Variants in CHLSN observed in about 807,000 individuals in gnomAD.
CHLSN encodes the protein cholesin.
chr7:1,092,085 G>A, the CHLSN span: 7 of 1,613,946 alleles, frequency 4.3e-6, no homozygotes, highest in Admixed American at 1.0e-4. Flanking sequence ...TGTTCAACCT[G>A]CACGAGCGGT....
At chr7:1,053,750 C>G in the CHLSN span, among the ~76,000 whole-genome samples, 3 of 152,174 alleles carry the variant, frequency 2.0e-5, no homozygotes, top group African/African-American at 7.2e-5. Context: ...TCGCTTGAAC[C>G]CGGGAGGCGG....
At chr7:1,113,346 G>A in the CHLSN span, among the ~76,000 whole-genome samples, 1 of 152,168 alleles carries the variant, frequency 6.6e-6, no homozygotes, top group African/African-American at 2.4e-5. Context: ...AGCAACCAAT[G>A]CCCTGAAAGC....
the CHLSN span, among the ~76,000 whole-genome samples, chr7:1,097,528 G>A: frequency 3.3e-5 from 5 of 152,132 alleles, no homozygotes; most frequent in African/African-American, 9.7e-5. The surrounding 1 kb of genome is among the most constrained non-coding windows in gnomAD (Gnocchi z 4.3). Flanking sequence ...GAAGAGTCTC[G>A]TTTCTAATAA....
At chr7:1,005,889 G>T in the CHLSN span, among the ~76,000 whole-genome samples, 1 of 152,230 alleles carries the variant, frequency 6.6e-6, no homozygotes. Context: ...GACCCAGGCA[G>T]GGGGCCGGCC....
chr7:1,106,211 C>T, the CHLSN span, among the ~76,000 whole-genome samples: 1 of 152,270 alleles, frequency 6.6e-6, no homozygotes, highest in African/African-American at 2.4e-5. Flanking sequence ...GCTCTGCCAG[C>T]CACGCGGACT....
the CHLSN span, among the ~76,000 whole-genome samples, chr7:1,007,838 C>T: frequency 6.6e-6 from 1 of 152,122 alleles, no homozygotes; most frequent in Non-Finnish European, 1.5e-5. Context: ...GGCATGCTCC[C>T]AGGCACTCAG....
At chr7:1,010,681 G>T in the CHLSN span, among the ~76,000 whole-genome samples, 1 of 152,136 alleles carries the variant, frequency 6.6e-6, no homozygotes, top group Non-Finnish European at 1.5e-5. Flanking sequence ...GAGGGAGAGG[G>T]CCCGCTGTGA....
At chr7:984,474 G>A in the CHLSN span, 19 of 1,551,454 alleles carry the variant, frequency 1.2e-5, no homozygotes, top group African/African-American at 5.5e-5. Flanking sequence ...CGGTGGTGCT[G>A]ACGGGGTTCG....
the CHLSN span, chr7:984,723 G>C: frequency 7.9e-7 from 1 of 1,257,876 alleles, no homozygotes; most frequent in East Asian, 2.5e-5. Flanking sequence ...TGCTGAGAAG[G>C]GCCAGGTGTC....
chr7:1,028,424 A>G, the CHLSN span: 2 of 985,712 alleles, frequency 2.0e-6, no homozygotes, highest in Middle Eastern at 5.2e-4. Context: ...CTGGACCGTG[A>G]CGCCAGCGCG....
chr7:1,035,600 A>G, the CHLSN span, among the ~76,000 whole-genome samples: 1 of 152,228 alleles, frequency 6.6e-6, no homozygotes, highest in Admixed American at 6.5e-5. Flanking sequence ...GGCACCGCAC[A>G]CCTGTCACGA....
the CHLSN span, among the ~76,000 whole-genome samples, chr7:1,020,831 T>C: frequency 6.6e-6 from 1 of 151,936 alleles, no homozygotes; most frequent in Admixed American, 6.6e-5. Flanking sequence ...AACGGAGGAG[T>C]GCAGGGGTCA....
At chr7:1,053,734 G>A in the CHLSN span, among the ~76,000 whole-genome samples, 1 of 152,346 alleles carries the variant, frequency 6.6e-6, no homozygotes, top group East Asian at 1.9e-4. Flanking sequence ...GGCTGAGGCA[G>A]GAGAATCGCT....
At chr7:1,094,464 A>T in the CHLSN span, among the ~76,000 whole-genome samples, 1 of 152,234 alleles carries the variant, frequency 6.6e-6, no homozygotes, top group East Asian at 1.9e-4. Context: ...ATAAAGTTTG[A>T]TATGCAAACA....
chr7:1,104,994 A>C, the CHLSN span, among the ~76,000 whole-genome samples: 1 of 152,242 alleles, frequency 6.6e-6, no homozygotes, highest in South Asian at 2.1e-4. Flanking sequence ...TTGAACAGTC[A>C]GGAAGTGGAG....
the CHLSN span, chr7:1,056,769 G>A: frequency 1.3e-5 from 2 of 151,340 alleles, no homozygotes; most frequent in African/African-American, 2.4e-5. Context: ...ACTCCACTCC[G>A]AGAGTAGGAG....
the CHLSN span, among the ~76,000 whole-genome samples, chr7:1,116,257 A>G: frequency 2.2e-5 from 3 of 133,378 alleles, no homozygotes; most frequent in Non-Finnish European, 4.7e-5. Context: ...CTACAGCTCT[A>G]CGGACCGGCT....
chr7:1,002,812 G>GA, the CHLSN span, among the ~76,000 whole-genome samples: 3 of 84,422 alleles, frequency 3.6e-5, no homozygotes, highest in Non-Finnish European at 5.0e-5. Context: ...TCCTGTGGGT[G>GA]GGGAGTCCTG....
the CHLSN span, chr7:1,010,283 G>C: frequency 1.4e-6 from 1 of 722,160 alleles, no homozygotes; most frequent in Admixed American, 3.2e-5. Context: ...GGCCCCAGCC[G>C]ACACCATCCT....
Sources: allele counts gnomAD v4.1 joint callset (sites outside exome capture counted in the v4.1 genomes callset), GRCh38; gene constraint gnomAD v4.1.1; non-coding constraint Gnocchi (gnomAD v3.1); transcripts MANE v1.5; gene names NCBI Gene and HGNC (gene_info 2026-07-23, HGNC 2026-07-21).